MYT1L: variants seen among roughly 807,000 people sequenced by gnomAD.
The protein encoded by MYT1L is myelin transcription factor 1-like protein.
A neutral mutation model predicts 126.7 loss-of-function variants in MYT1L; 12 were observed. That is an observed-to-expected ratio of 0.09 (90% CI 0.06 to 0.15). The LOEUF (loss-of-function observed/expected upper bound fraction) is 0.15, where lower values mean the gene tolerates loss of function less well. MYT1L is among the 10% of genes least tolerant of loss of function. MYT1L has a pLI of 1.00. For missense variants in MYT1L, 979 were observed against 1,585.2 expected, an observed-to-expected ratio of 0.62 and a Z score of 6.49; for synonymous variants, 541 against 604.2, an observed-to-expected ratio of 0.90 and a Z score of 1.53.
intron 3 of MYT1L, among the ~76,000 whole-genome samples, chr2:2,135,476 C>T (rs967378884): frequency 6.6e-6 from 1 of 152,176 alleles, no homozygotes; most frequent in African/African-American, 2.4e-5. Context: ...AGCATGAGAA[C>T]AGGCTAATAC....
chr2:2,117,308 GA>G (rs1216297544), intron 3 of MYT1L, among the ~76,000 whole-genome samples: 1 of 152,144 alleles, frequency 6.6e-6, no homozygotes, highest in Non-Finnish European at 1.5e-5. Context: ...AAGGATTTGT[GA>G]AAAATAAACC....
intron 3 of MYT1L, among the ~76,000 whole-genome samples, chr2:2,074,830 C>T (rs1297708886): frequency 6.6e-6 from 1 of 152,134 alleles, no homozygotes; most frequent in African/African-American, 2.4e-5. Flanking sequence ...GGGGTTTGTT[C>T]AGGACATTTG....
intron 2 of MYT1L, among the ~76,000 whole-genome samples, chr2:2,221,629 C>A (rs6548123): frequency 6.6e-6 from 1 of 152,166 alleles, no homozygotes; most frequent in Admixed American, 6.5e-5. Context: ...CAGCGGGAGA[C>A]GCCGCCCAGG....
At chr2:2,079,831 A>G (rs1310590261) in intron 3 of MYT1L, among the ~76,000 whole-genome samples, 1 of 152,128 alleles carries the variant, frequency 6.6e-6, no homozygotes, top group Non-Finnish European at 1.5e-5. Context: ...AAAGAAAGAA[A>G]GAAAATAAAT....
At chr2:2,187,697 C>A (rs1049745633) in intron 2 of MYT1L, among the ~76,000 whole-genome samples, 5 of 152,048 alleles carry the variant, frequency 3.3e-5, no homozygotes, top group Non-Finnish European at 5.9e-5. Flanking sequence ...TGGCTGAATT[C>A]AACACAGGTA....
At chr2:2,079,982 C>T (rs1203247156) in intron 3 of MYT1L, among the ~76,000 whole-genome samples, 8 of 152,056 alleles carry the variant, frequency 5.3e-5, no homozygotes, top group Non-Finnish European at 1.2e-4. Context: ...AGATACTGAT[C>T]AATGAAATAG....
At chr2:2,063,690 A>G (rs1244296403) in intron 3 of MYT1L, among the ~76,000 whole-genome samples, 2 of 152,168 alleles carry the variant, frequency 1.3e-5, no homozygotes, top group Non-Finnish European at 2.9e-5. Flanking sequence ...CTAAAAATAT[A>G]AAAATTAGCT....
intron 8 of MYT1L, among the ~76,000 whole-genome samples, chr2:1,952,981 TTCTC>T (rs2058019708): frequency 8.8e-6 from 1 of 113,750 alleles, no homozygotes; most frequent in Non-Finnish European, 1.9e-5. Flanking sequence ...CTTCCTTCCT[TTCTC>T]TTTCTTTCTT....
intron 2 of MYT1L, among the ~76,000 whole-genome samples, chr2:2,242,450 G>T (rs1253153788): frequency 6.6e-6 from 1 of 152,200 alleles, no homozygotes; most frequent in East Asian, 1.9e-4. Context: ...AAAATGTCCT[G>T]CCCTGAGTCT....
intron 3 of MYT1L, among the ~76,000 whole-genome samples, chr2:2,122,727 G>C (rs1041548752): frequency 2.0e-5 from 3 of 152,102 alleles, no homozygotes; most frequent in Non-Finnish European, 4.4e-5. Context: ...AGAGAACGCT[G>C]GGTTGGCCAT....
chr2:1,878,553 C>T (rs1002898889), intron 18 of MYT1L, among the ~76,000 whole-genome samples: 8 of 152,234 alleles, frequency 5.3e-5, no homozygotes, highest in East Asian at 1.9e-4. Context: ...CCAGTGTGTA[C>T]ACCTGCTTGG....
At chr2:2,313,888 C>A (rs184964236) in intron 1 of MYT1L, among the ~76,000 whole-genome samples, 1 of 152,222 alleles carries the variant, frequency 6.6e-6, no homozygotes, top group Admixed American at 6.5e-5. Flanking sequence ...GGGGCCCAAC[C>A]CTCACTCTAG....
At chr2:1,890,838 C>G (rs1038966275) in intron 15 of MYT1L, among the ~76,000 whole-genome samples, 1 of 152,254 alleles carries the variant, frequency 6.6e-6, no homozygotes, top group Middle Eastern at 3.4e-3. Flanking sequence ...GGAGCTGTTA[C>G]CTTGATAAAT....
At chr2:2,277,250 G>C (rs549061182) in intron 2 of MYT1L, among the ~76,000 whole-genome samples, 3 of 152,124 alleles carry the variant, frequency 2.0e-5, no homozygotes, top group Non-Finnish European at 4.4e-5. Flanking sequence ...GATTACAGGC[G>C]TGAGCCACCT....
chr2:1,946,972 A>G (rs1478624889), intron 8 of MYT1L, among the ~76,000 whole-genome samples: 2 of 152,180 alleles, frequency 1.3e-5, no homozygotes, highest in African/African-American at 4.8e-5. Context: ...GCTCCTCCAG[A>G]GCCTGCCCTT....
intron 1 of MYT1L, among the ~76,000 whole-genome samples, chr2:2,300,631 G>A (rs964199260): frequency 6.6e-6 from 1 of 152,306 alleles, no homozygotes; most frequent in Non-Finnish European, 1.5e-5. Context: ...TTCTCAGCAA[G>A]GTGATGCTTT....
chr2:1,980,224 CA>C (rs1377687331), intron 5 of MYT1L, among the ~76,000 whole-genome samples: 2 of 146,786 alleles, frequency 1.4e-5, no homozygotes, highest in Non-Finnish European at 3.0e-5. Context: ...ATATATATAA[CA>C]TATATATTTT....
chr2:2,115,554 T>C (rs1414544334), intron 3 of MYT1L, among the ~76,000 whole-genome samples: 2 of 152,204 alleles, frequency 1.3e-5, no homozygotes, highest in Non-Finnish European at 2.9e-5. Flanking sequence ...TTTTGCCAAA[T>C]GTGTAAACTT....
At chr2:1,796,129 G>T (rs1221681920) in intron 23 of MYT1L, among the ~76,000 whole-genome samples, 4 of 152,238 alleles carry the variant, frequency 2.6e-5, no homozygotes, top group Non-Finnish European at 2.9e-5. Context: ...TGTTGAAACA[G>T]GGTCACACTC....
Sources: gnomAD v4.1 joint callset for allele counts (sites outside exome capture counted in the v4.1 genomes callset) on GRCh38, gnomAD v4.1.1 for gene constraint, MANE v1.5 for transcripts, NCBI Gene and HGNC (gene_info 2026-07-23, HGNC 2026-07-21) for gene names.